The following KCNN1 variants were observed in gnomAD, a reference collection of about 807,000 sequenced individuals.
The protein encoded by KCNN1 is small conductance calcium-activated potassium channel protein 1.
KCNN1 carries 20 observed loss-of-function variants against 44.7 expected under a neutral mutation model. The observed-to-expected ratio is 0.45, with a 90% confidence interval of 0.32 to 0.65. The LOEUF (loss-of-function observed/expected upper bound fraction) is 0.65, where lower values mean the gene tolerates loss of function less well. Among genes scored for constraint, KCNN1 ranks in the 30% least tolerant of loss-of-function variants. The pLI is 0.05. For missense variants in KCNN1, 632 were observed against 785.3 expected, an observed-to-expected ratio of 0.80 and a Z score of 2.33; for synonymous variants, 324 against 341.7, an observed-to-expected ratio of 0.95 and a Z score of 0.57.
At position 17,973,832 on chromosome 19, in the gene KCNN1, A is replaced by G; in HGVS notation, c.-57A>G. 2 of 1,534,726 alleles carry G rather than the reference A, an allele frequency of 1.3e-6. No individual in the cohort carries two copies. The highest frequency in any genetic ancestry group is 1.7e-6 in the Non-Finnish European group (2 of 1,144,004). Reference sequence around the variant, plus strand: ...GGTCAGTGCAGGAGCCCAGCCGCTGAGCCATGCCGGGCCCCGGGCGGCCTG... The same window carrying G: ...GGTCAGTGCAGGAGCCCAGCCGCTGGGCCATGCCGGGCCCCGGGCGGCCTG... On this transcript the variant is annotated 5_prime_UTR_variant, in exon 2 of 10. Coordinates refer to ENST00000684775, the MANE Select transcript of KCNN1 (RefSeq NM_001386974.1).
chr19:17,973,848 G>T lies in KCNN1; in HGVS notation c.-41G>T, dbSNP rs754588861. The T allele has an allele frequency of 1.3e-6, 2 of 1,540,842 alleles. No individual in the cohort carries two copies. On this transcript the variant is annotated 5_prime_UTR_variant, in exon 2 of 10. Coordinates refer to ENST00000684775, the MANE Select transcript of KCNN1 (RefSeq NM_001386974.1). ...CAGCCGCTGAGCCATGCCGGGCCCC[G>T]GGCGGCCTGCAGCGAGCCCAACCCC...
In KCNN1 at chr19:17,998,268, C is replaced by T. The variant is rs1383582369; in HGVS notation, c.1494C>T (p.Ala498=). ...RLDALGASLQ[A]LPGLIAQAIR... is the part of the protein sequence containing the mutation. ...ATGCGCTGGGTGCCTCTCTACAGGC[C>T]CTGCCTGGCCTCATCGCCCAAGCCA... The change falls in exon 10 of 10, where the codon GCC becomes GCT. Residue 498 remains alanine (A), a synonymous_variant. Coordinates refer to ENST00000684775, the MANE Select transcript of KCNN1 (RefSeq NM_001386974.1). The surrounding 1 kb of genome is among the most constrained non-coding windows in gnomAD (Gnocchi z 5.4). 4 of 1,558,944 alleles carry T rather than the reference C, an allele frequency of 2.6e-6. No homozygotes were observed. Among genetic ancestry groups the T allele is most frequent in the Non-Finnish European group, 3.5e-6 (4 of 1,155,734 alleles).
chr19:17,999,844 C>A lies in KCNN1; in HGVS notation c.*1438C>A. 2.5e-6 allele frequency: 1 copy of A among 393,286 alleles called. No individual in the cohort carries two copies. 24.4% of individuals were successfully genotyped at this position (393,286 alleles called of 1,614,324 possible). On this transcript the variant is annotated 3_prime_UTR_variant, in exon 10 of 10. Coordinates refer to ENST00000684775, the MANE Select transcript of KCNN1 (RefSeq NM_001386974.1). ...CGAGATAACTAGGCCGTGGCTGGTG[C>A]ATGAATGACCAGCTTGGGCCCACGC...
At chr19:17,981,658 A>T in intron 3 of KCNN1, 51 bp from the exon 4 acceptor site, 1 of 1,501,338 alleles carries the variant, frequency 6.7e-7, no homozygotes, top group East Asian at 2.4e-5. Flanking sequence ...CTGGGCAGGG[A>T]GCGCGGCGCG....
Position 17,973,843 on chromosome 19 carries a change from GC to G in KCNN1, c.-42del. ...GAGCCCAGCCGCTGAGCCATGCCGG[GC>G]CCCGGGCGGCCTGCAGCGAGCCCAA... On this transcript the variant is annotated 5_prime_UTR_variant, in exon 2 of 10. The change creates a premature stop within an existing upstream ORF in the 5' untranslated region. Coordinates refer to ENST00000684775, the MANE Select transcript of KCNN1 (RefSeq NM_001386974.1). 1.3e-6 allele frequency: 2 copies of G among 1,538,982 alleles called. No homozygotes were observed.
chr19:17,998,535 C>A lies in KCNN1; in HGVS notation c.*129C>A. 2 of 995,512 alleles carry A rather than the reference C, an allele frequency of 2.0e-6. No individual in the cohort carries two copies. The highest frequency in any genetic ancestry group is 2.8e-6 in the Non-Finnish European group (2 of 710,294). 61.7% of individuals were successfully genotyped at this position (995,512 alleles called of 1,614,324 possible). On this transcript the variant is annotated 3_prime_UTR_variant, in exon 10 of 10. Transcript: ENST00000684775. This position sits in a 1 kb window ranked among gnomAD's most constrained non-coding sequence, Gnocchi z 5.4. ...TGAGTCAGGCTGAGTGGACTGAGGC[C>A]TGCCCCGCCCAGACTGCCCAGGCAG...
chr19:17,970,289 A>ATTTTTTTTTTTTTTT (rs71164333), intron 1 of KCNN1, among the ~76,000 whole-genome samples: 1 of 56,930 alleles, frequency 1.8e-5, no homozygotes, highest in Non-Finnish European at 3.1e-5. Context: ...AGAAGGAATG[A>ATTTTTTTTTTTTTTT]TTTTTTTTTT....
intron 1 of KCNN1, 82 bp downstream of exon 1, chr19:17,967,399 G>A: frequency 1.3e-6 from 1 of 790,082 alleles, no homozygotes. Context: ...ACGTCTCGGA[G>A]GGGGACGCGG....
rs769057480 is a variant in KCNN1, at chr19:17,998,400, C to T, written c.1626C>T (p.Cys542=). Residue 542 remains cysteine (C), a synonymous_variant, in exon 10 of 10, where the codon TGC becomes TGT. Coordinates refer to ENST00000684775, the MANE Select transcript of KCNN1 (RefSeq NM_001386974.1). The surrounding 1 kb of genome is among the most constrained non-coding windows in gnomAD (Gnocchi z 5.4). The part of the protein sequence containing the change: ...CRWTPVAPSD[C]G ...GGACGCCCGTGGCCCCCTCGGACTGCGGGTGACGGCCCTGCCCGCCACCAG... is the reference window on the plus strand; with the variant it reads ...GGACGCCCGTGGCCCCCTCGGACTGTGGGTGACGGCCCTGCCCGCCACCAG... 1.0e-5 allele frequency: 15 copies of T among 1,471,404 alleles called. No individual in the cohort carries two copies. The highest frequency in any genetic ancestry group is 4.2e-5 in the African/African-American group (3 of 71,082). 91.1% of individuals were successfully genotyped at this position (1,471,404 alleles called of 1,614,324 possible). A position where few individuals can be genotyped will look rare whatever the true frequency, so the allele number is the denominator to read the frequency against.
intron 9 of KCNN1, among the ~76,000 whole-genome samples, chr19:17,996,319 T>A (rs1454290745): frequency 6.6e-6 from 1 of 150,654 alleles, no homozygotes; most frequent in Non-Finnish European, 1.5e-5. Flanking sequence ...AAAATAAAAT[T>A]TTAAGCCTGG....
At chr19:17,961,829 T>G (rs1048905477) in intron 2 of KCNN1, among the ~76,000 whole-genome samples, 2 of 152,276 alleles carry the variant, frequency 1.3e-5, no homozygotes, top group South Asian at 4.1e-4. Flanking sequence ...CCTCAGGTGA[T>G]CCACCCGCCT....
intron 1 of KCNN1, among the ~76,000 whole-genome samples, chr19:17,972,980 T>C (rs769082455): frequency 6.6e-6 from 1 of 152,046 alleles, no homozygotes; most frequent in African/African-American, 2.4e-5. Context: ...CTGTGCAAGG[T>C]ATCAGAGAAG....
At chr19:17,978,433 T>TG (rs1014142715) in intron 3 of KCNN1, among the ~76,000 whole-genome samples, 1 of 150,002 alleles carries the variant, frequency 6.7e-6, no homozygotes, top group African/African-American at 2.5e-5. Context: ...TGTTTTTTTT[T>TG]TTTTTTTTTT....
At chr19:17,990,196 T>A (rs1568459166) in intron 7 of KCNN1, 1 of 434,622 alleles carries the variant, frequency 2.3e-6, no homozygotes, top group Non-Finnish European at 4.5e-6. Context: ...GTAGGATAAC[T>A]AGAAATGAAT....
At chr19:17,958,823 G>A (rs1238268681) in intron 2 of KCNN1, among the ~76,000 whole-genome samples, 9 of 150,176 alleles carry the variant, frequency 6.0e-5, no homozygotes, top group African/African-American at 1.2e-4. Context: ...TCAGCCTCCC[G>A]AGTAGCTGGG....
At position 17,985,428 on chromosome 19, in the gene KCNN1, G is replaced by T. The variant is rs763432784; in HGVS notation, c.1034G>T (p.Gly345Val). ...GTGCCCCACACCTACTGCGGGAAGG[G>T]TGTGTGCCTGCTCACTGGCATCATG... The part of the protein sequence containing the change: ...DMVPHTYCGK[G>V]VCLLTGIMGA... The change falls in exon 5 of 10, where the codon GGT (glycine) becomes GTT (valine). Residue 345 changes from glycine to valine, a missense_variant. This residue lies in a region of KCNN1 where 160 missense variants were observed against 308.3 expected (regional missense o/e 0.52). Transcript: ENST00000684775. The T allele has an allele frequency of 1.9e-6, 3 of 1,601,734 alleles. No homozygotes were observed. The Admixed American group carries it at 5.1e-5, about 27-fold the overall frequency.
intron 2 of KCNN1, among the ~76,000 whole-genome samples, chr19:17,957,293 A>G (rs1599993301): frequency 8.2e-6 from 1 of 121,844 alleles, no homozygotes; most frequent in African/African-American, 3.2e-5. Flanking sequence ...AGAGAGAGGG[A>G]GGGTAGGAGG....
chr19:17,976,664 C>T (rs145576381), intron 3 of KCNN1, among the ~76,000 whole-genome samples: 2,614 of 151,780 alleles, frequency 0.017, 35 homozygotes, highest in Middle Eastern at 0.024. Flanking sequence ...GTGATCTGCC[C>T]GCCTCGGCCT....
intron 9 of KCNN1, among the ~76,000 whole-genome samples, chr19:17,996,106 G>A (rs1255035195): frequency 6.8e-6 from 1 of 147,592 alleles, no homozygotes; most frequent in African/African-American, 2.5e-5. Flanking sequence ...GAGGAGGGGG[G>A]ATCACTTGAG....
Sources: gnomAD v4.1 joint callset for allele counts (sites outside exome capture counted in the v4.1 genomes callset) on GRCh38, gnomAD v4.1.1 for gene constraint, gnomAD v4.1.1 regional missense constraint, Gnocchi (gnomAD v3.1) non-coding constraint, MANE v1.5 for transcripts, NCBI Gene and HGNC (gene_info 2026-07-23, HGNC 2026-07-21) for gene names.